PYROXD1: variants seen among roughly 807,000 people sequenced by gnomAD.
PYROXD1 encodes tRNA ligase complex-associated NAD(P)H dehydrogenase PYROXD1.
Under a neutral mutation model 62.0 loss-of-function variants are expected in PYROXD1, and 42 were observed. The ratio of observed to expected loss-of-function variants is 0.68; its 90% confidence interval spans 0.53 to 0.88. The LOEUF (loss-of-function observed/expected upper bound fraction) is 0.88, where lower values mean the gene tolerates loss of function less well. Among genes scored for constraint, PYROXD1 ranks in the 40% least tolerant of loss-of-function variants. The pLI, the probability that PYROXD1 is intolerant of heterozygous loss-of-function variation, is 0.00. For synonymous variants in PYROXD1, 170 were observed against 206.4 expected (o/e 0.82, Z 1.51); for missense variants, 493 against 604.8 (o/e 0.82, Z 1.94).
intron 10 of PYROXD1, 67 bp from the exon 11 acceptor site, chr12:21,467,414 A>G: frequency 6.9e-7 from 1 of 1,448,624 alleles, no homozygotes; most frequent in Non-Finnish European, 9.4e-7. Context: ...GTGAATTTAC[A>G]AGGTTAACAT....
chr12:21,444,141 G>T (rs182008496), intron 2 of PYROXD1, among the ~76,000 whole-genome samples: 19 of 152,190 alleles, frequency 1.2e-4, no homozygotes, highest in African/African-American at 2.9e-4. Context: ...TTTACTGGTC[G>T]GGTAGCCTTG....
chr12:21,439,052 A>G (rs1054057637), intron 1 of PYROXD1, among the ~76,000 whole-genome samples: 2 of 152,232 alleles, frequency 1.3e-5, no homozygotes, highest in African/African-American at 4.8e-5. Flanking sequence ...AAATCTCATT[A>G]TGAAAGAATG....
At chr12:21,438,129 CTTTCTTTTTATTTTTT>C (rs1404097455) in intron 1 of PYROXD1, 9 of 316,796 alleles carry the variant, frequency 2.8e-5, no homozygotes, top group East Asian at 1.1e-4. Context: ...ATTCAGCCCC[CTTTCTTTTTATTTTTT>C]TTTCTTTTTC....
At position 21,462,059 on chromosome 12, in the gene PYROXD1, A is replaced by G. The variant is rs769434783; in HGVS notation, c.932A>G (p.Asp311Gly). 26 of 1,612,598 alleles carry G rather than the reference A, an allele frequency of 1.6e-5. No homozygotes were observed. The East Asian group carries it at 5.6e-4, about 35-fold the overall frequency. Residue 311 changes from aspartate to glycine, a missense_variant, in exon 9 of 12, where the codon GAT becomes GGT. This residue lies in a region of PYROXD1 where 329 missense variants were observed against 446.6 expected (regional missense o/e 0.74). Transcript: ENST00000240651. ...ACCAATGAAAAGATATATGGCTGCG[A>G]TTTCATTGTCAGTGCTACAGGAGTT... ...ELTNEKIYGC[D>G]FIVSATGVTP... is the part of the protein sequence containing the mutation.
At chr12:21,451,304 C>T (rs1942493420) in intron 4 of PYROXD1, among the ~76,000 whole-genome samples, 1 of 151,218 alleles carries the variant, frequency 6.6e-6, no homozygotes, top group Admixed American at 6.6e-5. Context: ...AGGTTTGTTA[C>T]ATATGTATAC....
Position 21,467,605 on chromosome 12 carries a change from T to C in PYROXD1, c.1241T>C (p.Phe414Ser), listed in dbSNP as rs1219433994. The C allele has an allele frequency of 6.2e-7, 1 of 1,610,774 alleles. No individual in the cohort carries two copies. The highest frequency in any genetic ancestry group is 8.5e-7 in the Non-Finnish European group (1 of 1,178,284). The change falls in exon 11 of 12, where the codon TTT becomes TCT. Residue 414 changes from phenylalanine (F) to serine (S), a missense_variant. Coordinates refer to ENST00000240651, the MANE Select transcript of PYROXD1 (RefSeq NM_024854.5). Reference sequence around the variant, plus strand: ...GAACTGTTTGCTCATGTGACAAAATTTTTTAACTATAAGGTAAGATAGTTA... The same window carrying C: ...GAACTGTTTGCTCATGTGACAAAATCTTTTAACTATAAGGTAAGATAGTTA... Reference protein sequence around the residue: ...SFELFAHVTKFFNYKVVLLGK... With the variant: ...SFELFAHVTKSFNYKVVLLGK...
At chr12:21,451,757 T>C (rs1229662159) in intron 4 of PYROXD1, among the ~76,000 whole-genome samples, 1 of 152,126 alleles carries the variant, frequency 6.6e-6, no homozygotes, top group Non-Finnish European at 1.5e-5. Context: ...AAAGAATAAT[T>C]GATTTGGTCA....
At chr12:21,441,300 G>A (rs569998705) in intron 2 of PYROXD1, 1 of 152,318 alleles carries the variant, frequency 6.6e-6, no homozygotes, top group African/African-American at 2.4e-5. Context: ...TGGGATTACA[G>A]GTGTGAGCCA....
rs1360583376 is a variant in PYROXD1, at chr12:21,469,716, A to G, written c.*962A>G. ...TTTTTTAAGCTCATCAGCTATCATC[A>G]GTGTTAGCATATTTTATGTGCGGCC... On this transcript the variant is annotated 3_prime_UTR_variant, in exon 12 of 12. Coordinates refer to ENST00000240651, the MANE Select transcript of PYROXD1 (RefSeq NM_024854.5). The G allele has an allele frequency of 6.7e-6, 1 of 150,146 alleles. No individual in the cohort carries two copies. Among genetic ancestry groups the G allele is most frequent in the East Asian group, 2.0e-4 (1 of 5,098 alleles). 9.3% of individuals were successfully genotyped at this position (150,146 alleles called of 1,614,324 possible).
At chr12:21,439,163 T>C (rs1942249750) in intron 1 of PYROXD1, among the ~76,000 whole-genome samples, 1 of 152,024 alleles carries the variant, frequency 6.6e-6, no homozygotes, top group Non-Finnish European at 1.5e-5. Context: ...TCATAAGGAG[T>C]CTTAGCATGC....
At chr12:21,465,757 A>G (rs1942781671) in intron 10 of PYROXD1, among the ~76,000 whole-genome samples, 1 of 152,034 alleles carries the variant, frequency 6.6e-6, no homozygotes, top group Non-Finnish European at 1.5e-5. Context: ...TATGTCCTGA[A>G]TGGTATTGCC....
chr12:21,464,760 T>C (rs1175414933), intron 10 of PYROXD1, among the ~76,000 whole-genome samples: 1 of 151,806 alleles, frequency 6.6e-6, no homozygotes, highest in African/African-American at 2.4e-5. Context: ...AGTTTTAGGA[T>C]ACATGTACAC....
chr12:21,439,015 T>C (rs1942247123), intron 1 of PYROXD1, among the ~76,000 whole-genome samples: 1 of 152,126 alleles, frequency 6.6e-6, no homozygotes, highest in African/African-American at 2.4e-5. Context: ...GAAGAGGAAA[T>C]TTTTTTAATC....
At chr12:21,464,734 T>TTA (rs66524450) in intron 10 of PYROXD1, among the ~76,000 whole-genome samples, 56,892 of 150,124 alleles carry the variant, frequency 0.38, 11,008 homozygotes, top group Middle Eastern at 0.48. Flanking sequence ...GTTTTTTTTT[T>TTA]TTATTATTAT....
chr12:21,470,282 C>A lies in PYROXD1; in HGVS notation c.*1528C>A, dbSNP rs986805989. The A allele has an allele frequency of 6.2e-7, 1 of 1,607,068 alleles. No homozygotes were observed. The highest frequency in any genetic ancestry group is 8.5e-7 in the Non-Finnish European group (1 of 1,177,660). On this transcript the variant is annotated 3_prime_UTR_variant, in exon 12 of 12. Transcript: ENST00000240651. ...GTTTGCAGCCTTCTTCTGGAAGTTG[C>A]CTGAATTTTTTTCCTCCATCTTTTT...
chr12:21,445,518 G>A, intron 3 of PYROXD1, 52 bp downstream of exon 3: 1 of 1,508,040 alleles, frequency 6.6e-7, no homozygotes, highest in Non-Finnish European at 8.9e-7. Flanking sequence ...TCTTGATGAA[G>A]TTTTGCCTGC....
At chr12:21,455,742 A>G (rs1942584435) in intron 6 of PYROXD1, among the ~76,000 whole-genome samples, 1 of 152,038 alleles carries the variant, frequency 6.6e-6, no homozygotes, top group Admixed American at 6.6e-5. Flanking sequence ...TTACCCTTCC[A>G]GTTAACCGTG....
intron 1 of PYROXD1, among the ~76,000 whole-genome samples, chr12:21,439,677 A>T (rs1358586903): frequency 6.6e-6 from 1 of 152,166 alleles, no homozygotes; most frequent in Non-Finnish European, 1.5e-5. Flanking sequence ...TTAGTGATGG[A>T]GTAGGAATAG....
Position 21,449,657 on chromosome 12 carries a change from A to G in PYROXD1, c.380A>G (p.Tyr127Cys). The change falls in exon 4 of 12, where the codon TAT becomes TGT. Residue 127 changes from tyrosine (Y) to cysteine (C), a missense_variant. Physicochemically the swap from Tyr to Cys is radical, Grantham distance 194 (BLOSUM62 -2). This residue lies in a region of PYROXD1 where 329 missense variants were observed against 446.6 expected (regional missense o/e 0.74). Coordinates refer to ENST00000240651, the MANE Select transcript of PYROXD1 (RefSeq NM_024854.5). The part of the protein sequence containing the change: ...KPKLICEGNP[Y>C]VLGIRDTDSA... ...AAGTTGATATGTGAAGGAAATCCTT[A>G]TGTATTAGGAATCCGTGATACAGAC... The G allele has an allele frequency of 3.7e-6, 6 of 1,613,280 alleles. No homozygotes were observed. The highest frequency in any genetic ancestry group is 1.3e-5 in the African/African-American group (1 of 75,010).
Sources: gnomAD v4.1 joint callset for allele counts (sites outside exome capture counted in the v4.1 genomes callset) on GRCh38, gnomAD v4.1.1 for gene constraint, gnomAD v4.1.1 regional missense constraint, MANE v1.5 for transcripts, NCBI Gene and HGNC (gene_info 2026-07-23, HGNC 2026-07-21) for gene names.